Variants in RELN observed in about 807,000 individuals in gnomAD.
RELN encodes reelin.
In RELN, 108 loss-of-function variants were observed where a neutral mutation model predicts 427.6. The observed-to-expected ratio is 0.25, with a 90% CI of 0.22 to 0.30. RELN has a LOEUF of 0.30. Among genes scored for constraint, RELN ranks in the 10% least tolerant of loss-of-function variants. The pLI, the probability that RELN is intolerant of heterozygous loss-of-function variation, is 1.00. For missense variants in RELN, 3,715 were observed against 4,302.8 expected (o/e 0.86, Z 3.82); for synonymous variants, 1,524 against 1,513.4 (o/e 1.01, Z -0.16).
intron 1 of RELN, among the ~76,000 whole-genome samples, chr7:103,935,316 G>T (rs186381263): frequency 6.6e-6 from 1 of 152,066 alleles, no homozygotes; most frequent in Non-Finnish European, 1.5e-5. Context: ...TCTCACTAAC[G>T]TCACTAATGA....
chr7:103,715,127 C>T (rs995577783), intron 8 of RELN, among the ~76,000 whole-genome samples: 6 of 152,006 alleles, frequency 3.9e-5, no homozygotes, highest in Non-Finnish European at 5.9e-5. Flanking sequence ...GGGAATTTAG[C>T]GTTTATTAAC....
chr7:103,717,333 A>G (rs916344965), intron 8 of RELN, among the ~76,000 whole-genome samples: 1 of 149,766 alleles, frequency 6.7e-6, no homozygotes, highest in Non-Finnish European at 1.5e-5. Flanking sequence ...TTATATATAT[A>G]TATTTCATTT....
chr7:103,920,573 T>TTG (rs1309161850), intron 1 of RELN, among the ~76,000 whole-genome samples: 1 of 113,582 alleles, frequency 8.8e-6, no homozygotes, highest in African/African-American at 4.2e-5. Context: ...TTTGGTTTTT[T>TTG]TTTTTGTTTT....
At chr7:103,942,430 A>T (rs970782828) in intron 1 of RELN, among the ~76,000 whole-genome samples, 4 of 152,190 alleles carry the variant, frequency 2.6e-5, no homozygotes, top group African/African-American at 9.7e-5. Flanking sequence ...TAGCATAATG[A>T]GAGAGACATT....
intron 3 of RELN, among the ~76,000 whole-genome samples, chr7:103,816,007 AG>A (rs1792859891): frequency 1.3e-5 from 2 of 152,218 alleles, no homozygotes; most frequent in Admixed American, 6.5e-5. Flanking sequence ...TAGAAAAAAA[AG>A]GCACTTCTGA....
chr7:103,809,932 C>T (rs573613516), intron 3 of RELN, among the ~76,000 whole-genome samples: 113 of 152,266 alleles, frequency 7.4e-4, no homozygotes, highest in African/African-American at 2.7e-3. Context: ...CTGGGTGAGA[C>T]TCATATTTTT....
At chr7:103,933,536 G>GGGAA (rs1255754018) in intron 1 of RELN, among the ~76,000 whole-genome samples, 15 of 151,838 alleles carry the variant, frequency 9.9e-5, no homozygotes, top group African/African-American at 3.6e-4. Context: ...AAGGGAGGGA[G>GGGAA]GGAAGGAAGG....
intron 25 of RELN, 128 bp downstream of exon 25, chr7:103,596,328 T>A: frequency 1.3e-6 from 1 of 770,842 alleles, no homozygotes; most frequent in African/African-American, 1.7e-5. Flanking sequence ...TACTGGGCTA[T>A]CATTCATGTT....
At chr7:103,694,780 C>T (rs1375900915) in intron 10 of RELN, among the ~76,000 whole-genome samples, 3 of 151,538 alleles carry the variant, frequency 2.0e-5, no homozygotes, top group Non-Finnish European at 2.9e-5. Context: ...CCATCTCAGC[C>T]TCTGGAGTAG....
Position 103,697,952 on chromosome 7 carries a change from G to A in RELN, c.1044C>T (p.Ile348=), listed in dbSNP as rs1191515704. The A allele has an allele frequency of 1.2e-6, 2 of 1,613,772 alleles. No individual in the cohort carries two copies. Among genetic ancestry groups the A allele is most frequent in the East Asian group, 2.2e-5 (1 of 44,838 alleles). Residue 348 remains isoleucine, a synonymous_variant, in exon 10 of 65, where the codon ATC becomes ATT. Coordinates refer to ENST00000428762, the MANE Select transcript of RELN (RefSeq NM_005045.4). ...GTCTGTGAGCTGAATTGATGATCAA[G>A]ATGTTATCTAAGGCCCAGCAGGCTT... is the stretch of plus-strand genomic sequence containing the variant. ...VYEACWALDN[I]LIINSAHRQV...
At chr7:103,602,828 T>TA (rs199771778) in intron 24 of RELN, among the ~76,000 whole-genome samples, 1,869 of 151,292 alleles carry the variant, frequency 0.012, 42 homozygotes, top group African/African-American at 0.039. Flanking sequence ...CTTAAATAAT[T>TA]AAAAAAAAAT....
intron 2 of RELN, among the ~76,000 whole-genome samples, chr7:103,890,104 CTAT>C (rs1355897247): frequency 2.6e-5 from 4 of 152,234 alleles, no homozygotes; most frequent in African/African-American, 9.6e-5. Context: ...CTGCTCATCA[CTAT>C]GTCTCTGGTT....
chr7:103,814,168 T>C (rs553867096), intron 3 of RELN, among the ~76,000 whole-genome samples: 1 of 152,184 alleles, frequency 6.6e-6, no homozygotes, highest in Non-Finnish European at 1.5e-5. Flanking sequence ...GTGCCAAGCC[T>C]CTGATTCCTC....
chr7:103,801,392 T>G (rs1296868084), intron 3 of RELN, among the ~76,000 whole-genome samples: 1 of 152,234 alleles, frequency 6.6e-6, no homozygotes, highest in African/African-American at 2.4e-5. Context: ...CATGGAATAC[T>G]ATGCAGACAT....
At chr7:103,775,661 A>G (rs1791719633) in intron 4 of RELN, among the ~76,000 whole-genome samples, 1 of 152,224 alleles carries the variant, frequency 6.6e-6, no homozygotes, top group African/African-American at 2.4e-5. Context: ...ACAATAAACA[A>G]TGAAAATGGC....
At chr7:103,532,673 C>T (rs922317802) in intron 46 of RELN, among the ~76,000 whole-genome samples, 1 of 152,124 alleles carries the variant, frequency 6.6e-6, no homozygotes, top group Non-Finnish European at 1.5e-5. Context: ...TACACCTGTC[C>T]CCTCCTACAA....
intron 2 of RELN, among the ~76,000 whole-genome samples, chr7:103,882,128 T>C (rs1584328447): frequency 6.6e-6 from 1 of 152,140 alleles, no homozygotes; most frequent in East Asian, 1.9e-4. Flanking sequence ...GCCAACAAAA[T>C]GAAAGAAAAG....
At chr7:103,801,345 T>C (rs1437731483) in intron 3 of RELN, among the ~76,000 whole-genome samples, 2 of 152,156 alleles carry the variant, frequency 1.3e-5, no homozygotes, top group Non-Finnish European at 2.9e-5. Flanking sequence ...TGTCCATCAA[T>C]GATAGACTGG....
intron 12 of RELN, 49 bp downstream of exon 12, chr7:103,661,327 G>T (rs1292397686): frequency 3.5e-5 from 55 of 1,581,560 alleles, no homozygotes; most frequent in Non-Finnish European, 4.8e-5. Context: ...AATAGGTGCT[G>T]GCCTAGGATT....
Sources: allele counts gnomAD v4.1 joint callset (sites outside exome capture counted in the v4.1 genomes callset), GRCh38; gene constraint gnomAD v4.1.1; transcripts MANE v1.5; gene names NCBI Gene and HGNC (gene_info 2026-07-23, HGNC 2026-07-21).